The following MAP3K20 variants were observed in gnomAD, a reference collection of about 807,000 sequenced individuals.
The protein encoded by MAP3K20 is mitogen-activated protein kinase kinase kinase 20.
In MAP3K20, 40 loss-of-function variants were observed where a neutral mutation model predicts 85.7. The observed-to-expected ratio is 0.47, with a 90% CI of 0.36 to 0.61. MAP3K20 has a LOEUF of 0.61. MAP3K20 is among the 20% of genes least tolerant of loss of function. MAP3K20 has a pLI of 0.00. For synonymous variants in MAP3K20, 325 were observed against 327.7 expected (o/e 0.99, Z 0.09); for missense variants, 817 against 961.7 (o/e 0.85, Z 1.99).
chr2:173,232,099 A>C, intron 12 of MAP3K20, 93 bp from the exon 13 acceptor site: 1 of 1,462,210 alleles, frequency 6.8e-7, no homozygotes, highest in South Asian at 1.2e-5. Flanking sequence ...AATTAAAGTT[A>C]TTTTGATCTA....
At chr2:173,134,796 TG>T (rs563051780) in intron 2 of MAP3K20, among the ~76,000 whole-genome samples, 104 of 152,240 alleles carry the variant, frequency 6.8e-4, no homozygotes, top group Admixed American at 1.4e-3. Flanking sequence ...AGAACTGTGC[TG>T]GAAGTTGGAG....
intron 11 of MAP3K20, among the ~76,000 whole-genome samples, chr2:173,220,132 T>C (rs1263934964): frequency 6.6e-6 from 1 of 151,638 alleles, no homozygotes; most frequent in South Asian, 2.1e-4. Flanking sequence ...CCCAGTATAT[T>C]ATTTGTACAT....
chr2:173,177,325 T>C (rs1417393197), intron 3 of MAP3K20, among the ~76,000 whole-genome samples: 1 of 151,846 alleles, frequency 6.6e-6, no homozygotes, highest in East Asian at 1.9e-4. Context: ...TGTTTTCTAA[T>C]CACAATGCAA....
intron 2 of MAP3K20, among the ~76,000 whole-genome samples, chr2:173,135,212 A>T (rs1005929861): frequency 1.3e-5 from 2 of 152,264 alleles, no homozygotes; most frequent in Non-Finnish European, 2.9e-5. Flanking sequence ...TTACAAGTAC[A>T]TAAAGAGCAT....
intron 7 of MAP3K20, 80 bp downstream of exon 7, chr2:173,191,257 A>G: frequency 6.4e-7 from 1 of 1,563,462 alleles, no homozygotes. Context: ...ACAGTTTAAC[A>G]TGGTTTTATT....
chr2:173,155,817 A>C (rs1689453004), intron 2 of MAP3K20, among the ~76,000 whole-genome samples: 1 of 152,162 alleles, frequency 6.6e-6, no homozygotes, highest in Non-Finnish European at 1.5e-5. Flanking sequence ...CGGAACCTTG[A>C]TCTCTGATAG....
chr2:173,226,040 G>A (rs1684378093), intron 11 of MAP3K20: 1 of 985,412 alleles, frequency 1.0e-6, no homozygotes, highest in Non-Finnish European at 1.2e-6. Context: ...AAAAGACGTT[G>A]AAAGCCTACA....
At chr2:173,110,733 G>C (rs1234987523) in intron 2 of MAP3K20, among the ~76,000 whole-genome samples, 2 of 152,104 alleles carry the variant, frequency 1.3e-5, no homozygotes, top group African/African-American at 4.8e-5. Context: ...ATCTCATCCA[G>C]ATCACTGCAA....
intron 10 of MAP3K20, 38 bp from the exon 11 acceptor site, chr2:173,217,077 A>G (rs1210631195): frequency 7.0e-7 from 1 of 1,430,412 alleles, no homozygotes; most frequent in Admixed American, 2.4e-5. Context: ...GATGTCTCTT[A>G]AGTAAAGTTG....
intron 9 of MAP3K20, among the ~76,000 whole-genome samples, chr2:173,208,704 A>AACT (rs1391608779): frequency 6.6e-6 from 1 of 152,204 alleles, no homozygotes; most frequent in Non-Finnish European, 1.5e-5. Flanking sequence ...GTAATGTAGG[A>AACT]AGCACTTAAA....
intron 2 of MAP3K20, among the ~76,000 whole-genome samples, chr2:173,095,009 A>G (rs1687418287): frequency 6.6e-6 from 1 of 152,238 alleles, no homozygotes; most frequent in African/African-American, 2.4e-5. Context: ...CTGTGCAGAA[A>G]GTAAAAAGTT....
At chr2:173,194,007 C>T (rs776855007) in intron 7 of MAP3K20, among the ~76,000 whole-genome samples, 1 of 152,148 alleles carries the variant, frequency 6.6e-6, no homozygotes, top group Non-Finnish European at 1.5e-5. Context: ...AACCTGTCCA[C>T]CCCATCATGT....
chr2:173,100,351 A>G (rs1687603041), intron 2 of MAP3K20, among the ~76,000 whole-genome samples: 1 of 152,208 alleles, frequency 6.6e-6, no homozygotes, highest in Non-Finnish European at 1.5e-5. Context: ...GGCTCAGGGA[A>G]GTTAAGCAGC....
At chr2:173,223,235 G>A in intron 11 of MAP3K20, 1 of 985,306 alleles carries the variant, frequency 1.0e-6, no homozygotes, top group Non-Finnish European at 1.2e-6. Flanking sequence ...TGAAGAAAGG[G>A]ATCAGAGTCT....
chr2:173,192,649 A>G lies in MAP3K20; in HGVS notation c.582+1472A>G, dbSNP rs376038708. ...CTTATAAAACTGGTCTCCTATGTCA[A>G]ATGTTACTACATTCTAACCATCATA... On this transcript the variant is annotated intron_variant, in intron 7 of 19. Transcript: ENST00000375213. Among the ~76,000 whole-genome samples, 77 of 152,330 alleles carry G rather than the reference A, an allele frequency of 5.1e-4. 1 individual carries two copies. In the South Asian group the frequency reaches 8.5e-3, roughly 17 times the overall value.
rs1559277727 is a variant in MAP3K20, at chr2:173,205,116, A to AT, written c.744+1246_744+1247insT. Among the ~76,000 whole-genome samples, 213 of 141,868 alleles carry AT rather than the reference A, an allele frequency of 1.5e-3. 1 individual carries two copies. Among genetic ancestry groups the AT allele is most frequent in the Admixed American group, 0.013 (178 of 13,458 alleles). The allele number at this position is 141,868 out of a possible 152,430, so 93.1% of individuals were successfully genotyped here. On this transcript the variant is annotated intron_variant, in intron 9 of 19. Transcript: ENST00000375213. ...AGACTCTGTCTCAAAAAAAAAAAAAAAAAAAATAAATAAATAAAATAAAAC... is the reference window on the plus strand; with the variant it reads ...AGACTCTGTCTCAAAAAAAAAAAAAATAAAAAATAAATAAATAAAATAAAAC...
intron 3 of MAP3K20, among the ~76,000 whole-genome samples, chr2:173,173,170 GTGTGTGTGTGTGTGTGTGTGTGTGTGTC>G (rs1690052475): frequency 7.8e-6 from 1 of 128,794 alleles, no homozygotes; most frequent in South Asian, 3.1e-4. Flanking sequence ...GTGTGTGTGT[GTGTGTGTGTGTGTGTGTGTGTGTGTGTC>G]TGTGTAAAAC....
intron 8 of MAP3K20, among the ~76,000 whole-genome samples, chr2:173,203,224 C>A (rs1480615773): frequency 6.6e-6 from 1 of 152,170 alleles, no homozygotes; most frequent in Non-Finnish European, 1.5e-5. Flanking sequence ...ACAGGACCAT[C>A]CTCACATTAT....
Position 173,191,053 on chromosome 2 carries a change from G to A in MAP3K20, c.458G>A (p.Gly153Asp). 1 of 1,613,750 alleles carries A rather than the reference G, an allele frequency of 6.2e-7. No individual in the cohort carries two copies. Among genetic ancestry groups the A allele is most frequent in the Non-Finnish European group, 8.5e-7 (1 of 1,179,844 alleles). ...CTGTTTTCTCAGATCTGTGACTTTGGTGCCTCTCGGTTCCATAACCATACA... is the reference window on the plus strand; with the variant it reads ...CTGTTTTCTCAGATCTGTGACTTTGATGCCTCTCGGTTCCATAACCATACA... ...ADGVLKICDF[G>D]ASRFHNHTTH... The change falls in exon 7 of 20, where the codon GGT becomes GAT. Residue 153 changes from glycine (G) to aspartate (D), a missense_variant. Gly to Asp is a moderately conservative substitution (Grantham distance 94). Around this residue, in one of 4 missense-constraint regions of MAP3K20, gnomAD observed 200 missense variants for 302.7 expected, o/e 0.66. Coordinates refer to ENST00000375213, the MANE Select transcript of MAP3K20 (RefSeq NM_016653.3).
Sources: allele counts gnomAD v4.1 joint callset (sites outside exome capture counted in the v4.1 genomes callset), GRCh38; gene constraint gnomAD v4.1.1; regional missense constraint gnomAD v4.1.1; transcripts MANE v1.5; gene names NCBI Gene and HGNC (gene_info 2026-07-23, HGNC 2026-07-21).